The following CTBP2 variants were observed in gnomAD, a reference collection of about 807,000 sequenced individuals.
The protein encoded by CTBP2 is C-terminal binding protein 2.
A neutral mutation model predicts 80.3 loss-of-function variants in CTBP2; 30 were observed. The ratio of observed to expected loss-of-function variants is 0.37; its 90% CI spans 0.28 to 0.51. The LOEUF is 0.51. CTBP2 is among the 20% of genes least tolerant of loss of function. The pLI, the probability that CTBP2 is intolerant of heterozygous loss-of-function variation, is 0.93. For synonymous variants in CTBP2, 594 were observed against 587.4 expected (o/e 1.01, Z -0.16); for missense variants, 1,212 against 1,375.3 (o/e 0.88, Z 1.88).
intron 2 of CTBP2, among the ~76,000 whole-genome samples, chr10:125,056,219 TAAAC>T (rs889113560): frequency 3.3e-5 from 5 of 151,354 alleles, no homozygotes; most frequent in African/African-American, 7.3e-5. Context: ...TAATAACTAA[TAAAC>T]AAAAGCAGCT....
intron 2 of CTBP2, among the ~76,000 whole-genome samples, chr10:125,074,331 C>A (rs969795297): frequency 6.6e-6 from 1 of 152,124 alleles, no homozygotes; most frequent in Non-Finnish European, 1.5e-5. Flanking sequence ...TGGGATGCAC[C>A]CTCTGCAGTG....
Position 125,060,889 on chromosome 10 carries a change from T to A in CTBP2, c.-101-21734A>T, listed in dbSNP as rs538944574. Among the ~76,000 whole-genome samples the A allele has an allele frequency of 9.2e-5, 14 of 152,268 alleles. No homozygotes were observed. In the South Asian group the frequency reaches 1.5e-3, roughly 16 times the overall value. ...TCTTGACCCGCGGGGGCTGGTGTGC[T>A]AAGGTGCAAAGGGAGGAAAGAGCAA... is the stretch of plus-strand genomic sequence containing the variant. On this transcript the variant is annotated intron_variant, in intron 2 of 10. Transcript: ENST00000337195.
chr10:125,159,652 C>T (rs972721519), intron 1 of CTBP2, among the ~76,000 whole-genome samples: 1 of 150,142 alleles, frequency 6.7e-6, no homozygotes, highest in Non-Finnish European at 1.5e-5. Context: ...GGGGCAGCGC[C>T]CCTGGGGACC....
At chr10:125,048,039 C>A (rs1485933873) in intron 2 of CTBP2, among the ~76,000 whole-genome samples, 1 of 152,118 alleles carries the variant, frequency 6.6e-6, no homozygotes, top group Non-Finnish European at 1.5e-5. Flanking sequence ...CTTAGGGGAA[C>A]CCAACTGGCC....
rs1214339467 is a variant in CTBP2, at chr10:125,159,424, CGCCCGCCGCCCG to C, written c.-206+883_-206+894del. On this transcript the variant is annotated intron_variant, in intron 1 of 10. Coordinates refer to the CTBP2 transcript ENST00000337195. ...GCCCGGCCCGCCCGGCCCCCGCCCG[CGCCCGCCGCCCG>C]GCCCGCCCAGGCCCCCCGCCCCGCC... 2.1e-5 allele frequency among the ~76,000 whole-genome samples: 3 copies of C among 145,136 alleles called. No homozygotes were observed. The East Asian group carries it at 6.1e-4, about 30-fold the overall frequency.
chr10:125,079,264 C>G (rs1846811473), intron 2 of CTBP2, among the ~76,000 whole-genome samples: 1 of 151,946 alleles, frequency 6.6e-6, no homozygotes, highest in Non-Finnish European at 1.5e-5. Context: ...CGCTCCTGCT[C>G]TAAAGTACAC....
intron 2 of CTBP2, among the ~76,000 whole-genome samples, chr10:125,058,350 A>G (rs1160455660): frequency 6.6e-6 from 1 of 152,172 alleles, no homozygotes; most frequent in Non-Finnish European, 1.5e-5. Flanking sequence ...CCTCCTGGGC[A>G]CCGTCCCATA....
Position 125,147,851 on chromosome 10 carries a change from T to C in CTBP2, c.-206+12468A>G, listed in dbSNP as rs575447514. 7.9e-5 allele frequency among the ~76,000 whole-genome samples: 12 copies of C among 152,190 alleles called. No homozygotes were observed. In the East Asian group the frequency reaches 2.3e-3, roughly 29 times the overall value. Reference sequence around the variant, plus strand: ...GGTCGAGGCCGCAGTCAGCCGTGATTGCGCCACTGCACTCCAAGCCTCGGC... The same window carrying C: ...GGTCGAGGCCGCAGTCAGCCGTGATCGCGCCACTGCACTCCAAGCCTCGGC... On this transcript the variant is annotated intron_variant, in intron 1 of 10. Transcript: ENST00000337195.
At chr10:125,105,380 G>C (rs920427734) in intron 2 of CTBP2, among the ~76,000 whole-genome samples, 27 of 152,162 alleles carry the variant, frequency 1.8e-4, no homozygotes, top group African/African-American at 6.5e-4. Context: ...TCAAACTCCT[G>C]GGCTCAAAGG....
chr10:124,990,828 G>A (rs1952509917), intron 8 of CTBP2, among the ~76,000 whole-genome samples: 1 of 152,238 alleles, frequency 6.6e-6, no homozygotes, highest in Admixed American at 6.5e-5. Flanking sequence ...GCCATATGAG[G>A]ATGTGGGAAG....
At chr10:125,062,924 C>G (rs768072422) in intron 2 of CTBP2, among the ~76,000 whole-genome samples, 1 of 152,222 alleles carries the variant, frequency 6.6e-6, no homozygotes, top group African/African-American at 2.4e-5. Context: ...CTGCTGTGCA[C>G]CCGTTTTCCT....
At chr10:125,033,061 CCA>C (rs1958428960), upstream of CTBP2, among the ~76,000 whole-genome samples, 1 of 152,218 alleles carries the variant, frequency 6.6e-6, no homozygotes, top group South Asian at 2.1e-4. Context: ...AGCCTCACTC[CCA>C]AGTCTCGGAT....
At chr10:125,048,440 AG>A (rs1208753990) in intron 2 of CTBP2, among the ~76,000 whole-genome samples, 1 of 152,190 alleles carries the variant, frequency 6.6e-6, no homozygotes, top group Admixed American at 6.5e-5. Context: ...GATGTGAAAG[AG>A]GCAGAAGGTC....
At chr10:125,015,492 C>G (rs1364070087) in intron 1 of CTBP2, among the ~76,000 whole-genome samples, 3 of 152,246 alleles carry the variant, frequency 2.0e-5, no homozygotes, top group Admixed American at 1.3e-4. Flanking sequence ...CCTCCCCTGC[C>G]TCGCTGGGGC....
intron 1 of CTBP2, among the ~76,000 whole-genome samples, chr10:125,151,994 T>C (rs923872010): frequency 2.0e-5 from 3 of 151,708 alleles, no homozygotes; most frequent in African/African-American, 7.3e-5. Flanking sequence ...TTTACAAGTG[T>C]AAAGGCGAGG....
At chr10:125,142,282 G>A (rs544235719) in intron 1 of CTBP2, among the ~76,000 whole-genome samples, 2 of 152,242 alleles carry the variant, frequency 1.3e-5, no homozygotes, top group East Asian at 3.9e-4. Context: ...GGAGAGGAGG[G>A]GTGTCATCCA....
At chr10:125,001,077 A>G (rs1169570973) in intron 3 of CTBP2, 1 of 151,972 alleles carries the variant, frequency 6.6e-6, no homozygotes, top group East Asian at 1.9e-4. Flanking sequence ...AGGGAACACA[A>G]CCTCCCATCT....
chr10:125,049,161 T>C (rs574118388), intron 2 of CTBP2, among the ~76,000 whole-genome samples: 3 of 151,460 alleles, frequency 2.0e-5, no homozygotes, highest in African/African-American at 7.3e-5. Flanking sequence ...GGCCACCTCT[T>C]CTCCACACTG....
intron 1 of CTBP2, among the ~76,000 whole-genome samples, chr10:125,156,569 A>C (rs969446524): frequency 1.3e-5 from 2 of 152,140 alleles, no homozygotes; most frequent in Non-Finnish European, 2.9e-5. Flanking sequence ...TCAATCCGTG[A>C]ATCTCAAGGA....
Sources: gnomAD v4.1 joint callset for allele counts (sites outside exome capture counted in the v4.1 genomes callset) on GRCh38, gnomAD v4.1.1 for gene constraint, MANE v1.5 for transcripts, NCBI Gene and HGNC (gene_info 2026-07-23, HGNC 2026-07-21) for gene names.